Variants in APP observed in about 807,000 individuals in gnomAD.
APP encodes the protein amyloid beta precursor protein.
Under a neutral mutation model 101.4 loss-of-function variants are expected in APP, and 31 were observed. That is an observed-to-expected ratio of 0.31 (90% CI 0.23 to 0.41). The LOEUF (loss-of-function observed/expected upper bound fraction) is 0.41, where lower values mean the gene tolerates loss of function less well. Among genes scored for constraint, APP ranks in the 10% least tolerant of loss-of-function variants. APP has a pLI of 1.00. For missense variants in APP, 839 were observed against 1,003.7 expected, an observed-to-expected ratio of 0.84 and a Z score of 2.22; for synonymous variants, 366 against 364.4, an observed-to-expected ratio of 1.00 and a Z score of -0.05.
intron 17 of APP, among the ~76,000 whole-genome samples, chr21:25,882,830 GA>G (rs1473451328): frequency 6.6e-6 from 1 of 152,140 alleles, no homozygotes; most frequent in Admixed American, 6.6e-5. Flanking sequence ...CCTTCAAAGG[GA>G]TATTTCCTAG....
chr21:26,126,769 T>G (rs1325740845), intron 1 of APP, among the ~76,000 whole-genome samples: 3 of 152,160 alleles, frequency 2.0e-5, no homozygotes, highest in Admixed American at 1.3e-4. Flanking sequence ...GGTTGAAAAC[T>G]CCAACCTAAG....
intron 13 of APP, among the ~76,000 whole-genome samples, chr21:25,927,564 C>T (rs538374263): frequency 6.6e-6 from 1 of 152,298 alleles, no homozygotes; most frequent in South Asian, 2.1e-4. Context: ...TCTTGAAAAT[C>T]TCCCAGAGTT....
At chr21:25,900,986 T>TAAAAAA (rs1195285670) in intron 15 of APP, among the ~76,000 whole-genome samples, 1 of 15,670 alleles carries the variant, frequency 6.4e-5, no homozygotes, top group African/African-American at 3.2e-4. Flanking sequence ...AGACTCCATC[T>TAAAAAA]CAAAAAAAAA....
chr21:26,139,161 A>T (rs1181014548), intron 1 of APP, among the ~76,000 whole-genome samples: 1 of 151,510 alleles, frequency 6.6e-6, no homozygotes, highest in East Asian at 1.9e-4. Flanking sequence ...GTAAATAAGT[A>T]AAAAAAAATA....
Position 25,904,431 on chromosome 21 carries a change from A to T in APP, c.1963+593T>A, listed in dbSNP as rs554686445. Among the ~76,000 whole-genome samples the T allele has an allele frequency of 3.3e-5, 5 of 152,380 alleles. No homozygotes were observed. In the South Asian group the frequency reaches 1.0e-3, roughly 32 times the overall value. On this transcript the variant is annotated intron_variant, in intron 15 of 17. Coordinates refer to ENST00000346798, the MANE Select transcript of APP (RefSeq NM_000484.4). Reference sequence around the variant, plus strand: ...AAAGGGCTTATGTGCAAAATTATGCATCCACATCTGTTGTGTTACTTTAGC... The same window carrying T: ...AAAGGGCTTATGTGCAAAATTATGCTTCCACATCTGTTGTGTTACTTTAGC...
At chr21:25,888,739 T>C (rs1157932253) in intron 17 of APP, among the ~76,000 whole-genome samples, 1 of 151,758 alleles carries the variant, frequency 6.6e-6, no homozygotes, top group African/African-American at 2.4e-5. Flanking sequence ...TCTGACATTT[T>C]AAGTCCAATG....
At chr21:26,065,540 A>G (rs1312259866) in intron 3 of APP, among the ~76,000 whole-genome samples, 1 of 152,210 alleles carries the variant, frequency 6.6e-6, no homozygotes, top group Non-Finnish European at 1.5e-5. Flanking sequence ...ACCTTGTCTT[A>G]GGAATGTAAA....
intron 1 of APP, among the ~76,000 whole-genome samples, chr21:26,158,857 T>A (rs989730782): frequency 6.6e-6 from 1 of 152,186 alleles, no homozygotes. Flanking sequence ...TTGTACCTCC[T>A]CTATTATAGC....
chr21:25,934,174 C>G (rs879780705), intron 13 of APP: 14 of 152,180 alleles, frequency 9.2e-5, no homozygotes, highest in Non-Finnish European at 1.9e-4. Flanking sequence ...GGCAGCAGCA[C>G]TAGAGCAAGC....
intron 1 of APP, among the ~76,000 whole-genome samples, chr21:26,164,940 T>A (rs1398612814): frequency 1.3e-5 from 2 of 151,546 alleles, no homozygotes; most frequent in Non-Finnish European, 1.5e-5. Context: ...GTGTAAAAAA[T>A]GCTTATGCTT....
intron 1 of APP, among the ~76,000 whole-genome samples, chr21:26,153,348 T>C (rs930792021): frequency 1.3e-5 from 2 of 152,210 alleles, no homozygotes; most frequent in Non-Finnish European, 2.9e-5. Flanking sequence ...CTATTGTTTA[T>C]ATTTACTAAG....
chr21:26,089,705 A>G (rs1355343741), intron 3 of APP: 1 of 424,058 alleles, frequency 2.4e-6, no homozygotes, highest in East Asian at 4.5e-5. Context: ...TGGCCCAGGA[A>G]TTTGTAATTT....
intron 17 of APP, among the ~76,000 whole-genome samples, chr21:25,882,162 A>G (rs1455200054): frequency 1.3e-5 from 2 of 151,914 alleles, no homozygotes; most frequent in African/African-American, 4.8e-5. Context: ...AATAGATAAA[A>G]CCACAAGAGT....
intron 15 of APP, among the ~76,000 whole-genome samples, chr21:25,901,823 T>C (rs2038510457): frequency 5.0e-5 from 1 of 20,028 alleles, no homozygotes; most frequent in Non-Finnish European, 9.0e-5. Context: ...ATGACACCTC[T>C]TGCATGGCTC....
At chr21:25,931,810 T>C (rs925517034) in intron 13 of APP, among the ~76,000 whole-genome samples, 74 of 152,170 alleles carry the variant, frequency 4.9e-4, no homozygotes, top group Non-Finnish European at 2.6e-4. Context: ...TGAGTTGCAA[T>C]CTTTCAGAAT....
chr21:26,044,132 C>A (rs1415102219), intron 5 of APP, among the ~76,000 whole-genome samples: 1 of 152,146 alleles, frequency 6.6e-6, no homozygotes, highest in Non-Finnish European at 1.5e-5. Flanking sequence ...TCCCAAAGTA[C>A]TGCATCATCT....
Position 26,051,059 on chromosome 21 carries a change from C to A in APP, c.603G>T (p.Ala201=). 1.9e-6 allele frequency: 3 copies of A among 1,614,186 alleles called. No individual in the cohort carries two copies. Among genetic ancestry groups the A allele is most frequent in the Non-Finnish European group, 2.5e-6 (3 of 1,180,028 alleles). ...ACCAGACATCCGAGTCATCCTCCTC[C>A]GCATCAGCAGAATCCACATTGTCAC... The part of the protein sequence containing the change: ...EESDNVDSAD[A]EEDDSDVWWG... Residue 201 remains alanine (A), a synonymous_variant, in exon 5 of 18, where the codon GCG becomes GCT. Coordinates refer to ENST00000346798, the MANE Select transcript of APP (RefSeq NM_000484.4).
chr21:26,164,698 A>T (rs989609248), intron 1 of APP, among the ~76,000 whole-genome samples: 2 of 152,086 alleles, frequency 1.3e-5, no homozygotes, highest in African/African-American at 4.8e-5. Flanking sequence ...TACTTAAAAA[A>T]TACAAAAATT....
intron 2 of APP, among the ~76,000 whole-genome samples, chr21:26,101,003 A>C (rs1450671160): frequency 2.0e-5 from 3 of 150,552 alleles, no homozygotes; most frequent in Admixed American, 6.6e-5. Context: ...AAGCCCCTAG[A>C]CCCTAGCCCC....
Sources: allele counts gnomAD v4.1 joint callset (sites outside exome capture counted in the v4.1 genomes callset), GRCh38; gene constraint gnomAD v4.1.1; transcripts MANE v1.5; gene names NCBI Gene and HGNC (gene_info 2026-07-23, HGNC 2026-07-21).